Variants in UMAD1 observed in about 807,000 individuals in gnomAD.
UMAD1 encodes UBAP1-MVB12-associated (UMA) domain containing 1.
UMAD1 carries 8 observed loss-of-function variants against 6.1 expected under a neutral mutation model. That is an observed-to-expected ratio of 1.30 (90% CI 0.76 to 2.35). The LOEUF (loss-of-function observed/expected upper bound fraction) is 2.35, where lower values mean the gene tolerates loss of function less well. Among genes scored for constraint, UMAD1 ranks in the 30% most tolerant of loss-of-function variants. The pLI is 0.00. For missense variants in UMAD1, 130 were observed against 78.4 expected, an observed-to-expected ratio of 1.66 and a Z score of -2.49; for synonymous variants, 56 against 31.4, an observed-to-expected ratio of 1.78 and a Z score of -2.61.
chr7:7,868,413 G>A (rs558449688), intron 3 of UMAD1: 17 of 152,226 alleles, frequency 1.1e-4, no homozygotes, highest in African/African-American at 4.1e-4. Flanking sequence ...GCAAGTAACA[G>A]CCTGCTTACT....
At chr7:7,846,223 T>C (rs1405002434) in intron 3 of UMAD1, among the ~76,000 whole-genome samples, 3 of 152,200 alleles carry the variant, frequency 2.0e-5, no homozygotes, top group Admixed American at 2.0e-4. Context: ...GTAAAGAATA[T>C]ATAGCATGAT....
At chr7:7,675,600 G>T (rs1327273901) in intron 2 of UMAD1, among the ~76,000 whole-genome samples, 1 of 152,060 alleles carries the variant, frequency 6.6e-6, no homozygotes, top group Non-Finnish European at 1.5e-5. Flanking sequence ...TCCAAATTTC[G>T]TATTTTAAGA....
chr7:7,809,358 A>G (rs78056227), intron 3 of UMAD1, among the ~76,000 whole-genome samples: 2,111 of 152,112 alleles, frequency 0.014, 55 homozygotes, highest in African/African-American at 0.049. Flanking sequence ...TAGAATTCAT[A>G]GTTCAGTAAT....
chr7:7,739,711 CTG>C (rs1418866390), intron 2 of UMAD1, among the ~76,000 whole-genome samples: 1 of 152,106 alleles, frequency 6.6e-6, no homozygotes, highest in Non-Finnish European at 1.5e-5. Context: ...AAAATGGAAA[CTG>C]TAAGTTTATA....
At chr7:7,810,938 C>T (rs1475789591) in intron 3 of UMAD1, among the ~76,000 whole-genome samples, 1 of 152,166 alleles carries the variant, frequency 6.6e-6, no homozygotes, top group Non-Finnish European at 1.5e-5. Context: ...TCCCCTGACA[C>T]CCAGGGACCT....
chr7:7,692,448 C>T (rs920975744), intron 2 of UMAD1: 18 of 152,194 alleles, frequency 1.2e-4, no homozygotes, highest in African/African-American at 3.4e-4. Context: ...ATGCTATGGG[C>T]ACCCACCTGC....
At chr7:7,845,315 G>A (rs1439921196) in intron 3 of UMAD1, among the ~76,000 whole-genome samples, 1 of 151,824 alleles carries the variant, frequency 6.6e-6, no homozygotes, top group African/African-American at 2.4e-5. Flanking sequence ...AATTACATAT[G>A]TAGTTCTTAT....
intron 2 of UMAD1, among the ~76,000 whole-genome samples, chr7:7,677,584 T>G (rs1245947934): frequency 6.6e-6 from 1 of 152,226 alleles, no homozygotes; most frequent in South Asian, 2.1e-4. Flanking sequence ...AAGGACAGGA[T>G]TTCATTCTTT....
intron 2 of UMAD1, among the ~76,000 whole-genome samples, chr7:7,724,304 G>A (rs929822555): frequency 1.3e-5 from 2 of 152,116 alleles, no homozygotes; most frequent in Non-Finnish European, 1.5e-5. Context: ...GGTAATTAAT[G>A]GAGTTTTAGC....
At chr7:7,842,133 A>G (rs1259334828) in intron 3 of UMAD1, among the ~76,000 whole-genome samples, 1 of 152,138 alleles carries the variant, frequency 6.6e-6, no homozygotes, top group Non-Finnish European at 1.5e-5. Flanking sequence ...TTTCAGCAAC[A>G]TCTTTGTCCT....
At chr7:7,822,159 C>G (rs1240922905) in intron 3 of UMAD1, among the ~76,000 whole-genome samples, 1 of 151,846 alleles carries the variant, frequency 6.6e-6, no homozygotes, top group East Asian at 1.9e-4. Flanking sequence ...AGCTTGTGTA[C>G]TTTATTTAAA....
chr7:7,760,170 G>A (rs1781856707), intron 2 of UMAD1, among the ~76,000 whole-genome samples: 1 of 152,016 alleles, frequency 6.6e-6, no homozygotes, highest in Non-Finnish European at 1.5e-5. Context: ...TAGATGATCT[G>A]GTTGACGTTC....
rs199980426 is a variant in UMAD1 at position 7,793,544 on chromosome 7, C to T, written c.83-8126C>T. On this transcript the variant is annotated intron_variant, in intron 2 of 3. Transcript: ENST00000682710. The stretch of plus-strand genomic sequence containing the variant: ...TTTGTGGGGGAGATATTTTTAAGTA[C>T]TGGGGCTTTCTCCTGTGTCTTCAAG... Among the ~76,000 whole-genome samples the T allele has an allele frequency of 2.0e-5, 3 of 152,216 alleles. No homozygotes were observed. The East Asian group carries it at 5.8e-4, about 29-fold the overall frequency.
At chr7:7,803,100 A>G (rs377478968) in intron 3 of UMAD1, among the ~76,000 whole-genome samples, 1 of 152,226 alleles carries the variant, frequency 6.6e-6, no homozygotes, top group Admixed American at 6.5e-5. Context: ...AGCTGAATAT[A>G]TAATGGTGAA....
intron 2 of UMAD1, among the ~76,000 whole-genome samples, chr7:7,754,607 A>G (rs960758515): frequency 5.3e-5 from 8 of 152,202 alleles, no homozygotes; most frequent in Admixed American, 4.6e-4. Context: ...ACATGTAGCT[A>G]TGGAGAACTT....
chr7:7,813,356 C>T (rs1197919515), intron 3 of UMAD1, among the ~76,000 whole-genome samples: 1 of 152,186 alleles, frequency 6.6e-6, no homozygotes, highest in East Asian at 1.9e-4. Context: ...AGGCATGCGA[C>T]ACCACGCCTG....
intron 3 of UMAD1, among the ~76,000 whole-genome samples, chr7:7,858,444 C>T (rs1041034987): frequency 6.6e-6 from 1 of 152,200 alleles, no homozygotes; most frequent in African/African-American, 2.4e-5. Flanking sequence ...AGTTTCTATA[C>T]ACTTAAAAAC....
At chr7:7,674,095 C>A (rs116851827) in intron 2 of UMAD1, among the ~76,000 whole-genome samples, 1 of 152,168 alleles carries the variant, frequency 6.6e-6, no homozygotes, top group Non-Finnish European at 1.5e-5. Flanking sequence ...CCCAGAAATT[C>A]TCTTTCCAAA....
intron 2 of UMAD1, among the ~76,000 whole-genome samples, chr7:7,780,665 C>A (rs921696733): frequency 6.6e-6 from 1 of 152,196 alleles, no homozygotes; most frequent in Non-Finnish European, 1.5e-5. Context: ...TGACTTCTAA[C>A]AGCACAGATT....
Sources: gnomAD v4.1 joint callset for allele counts (sites outside exome capture counted in the v4.1 genomes callset) on GRCh38, gnomAD v4.1.1 for gene constraint, MANE v1.5 for transcripts, NCBI Gene and HGNC (gene_info 2026-07-23, HGNC 2026-07-21) for gene names.